Variants in MTHFD1L observed in about 807,000 individuals in gnomAD.
MTHFD1L encodes monofunctional C1-tetrahydrofolate synthase, mitochondrial.
Under a neutral mutation model 119.5 loss-of-function variants are expected in MTHFD1L, and 81 were observed. The observed-to-expected ratio is 0.68, with a 90% confidence interval of 0.57 to 0.82. The LOEUF (loss-of-function observed/expected upper bound fraction) is 0.82, where lower values mean the gene tolerates loss of function less well. MTHFD1L is among the 40% of genes least tolerant of loss of function. The probability of loss-of-function intolerance (pLI) is 0.00; values close to 1 mark genes in which losing one functional copy is unlikely to be tolerated. For synonymous variants in MTHFD1L, 430 were observed against 475.2 expected (o/e 0.90, Z 1.24); for missense variants, 1,125 against 1,253.4 (o/e 0.90, Z 1.55).
chr6:150,913,991 G>A (rs370610698), intron 8 of MTHFD1L, among the ~76,000 whole-genome samples: 10 of 152,318 alleles, frequency 6.6e-5, no homozygotes, highest in African/African-American at 1.4e-4. Flanking sequence ...CTAACCAGGC[G>A]TGGTGGCACA....
chr6:150,945,334 A>G (rs1793742558), intron 14 of MTHFD1L, 133 bp from the exon 15 acceptor site: 2 of 656,678 alleles, frequency 3.0e-6, no homozygotes, highest in Non-Finnish European at 2.6e-6. Context: ...ATATTAGCCC[A>G]CAAATTTTAA....
chr6:151,016,542 C>CA (rs148357366), intron 24 of MTHFD1L, among the ~76,000 whole-genome samples: 9,802 of 151,642 alleles, frequency 0.065, 1,051 homozygotes, highest in African/African-American at 0.22. Context: ...AGGCTGGTCT[C>CA]AAACTCCTGA....
intron 24 of MTHFD1L, among the ~76,000 whole-genome samples, chr6:151,025,517 A>G (rs1043049470): frequency 7.2e-5 from 11 of 152,240 alleles, no homozygotes; most frequent in African/African-American, 2.7e-4. Flanking sequence ...TTTAAAATTT[A>G]TGCTTCATTT....
intron 11 of MTHFD1L, among the ~76,000 whole-genome samples, chr6:150,931,634 C>T (rs750358655): frequency 1.3e-5 from 2 of 152,182 alleles, no homozygotes; most frequent in Non-Finnish European, 2.9e-5. Context: ...TCATATGCTA[C>T]TTGAGCATGT....
At chr6:151,082,149 T>A (rs1793253284) in intron 26 of MTHFD1L, among the ~76,000 whole-genome samples, 1 of 152,256 alleles carries the variant, frequency 6.6e-6, no homozygotes, top group African/African-American at 2.4e-5. Flanking sequence ...ATTTTCATGG[T>A]GTGCTACCTG....
chr6:150,998,679 T>A (rs1444456394), intron 20 of MTHFD1L, among the ~76,000 whole-genome samples: 1 of 150,284 alleles, frequency 6.7e-6, no homozygotes. Context: ...ACAAAATTAT[T>A]AAAACTATTG....
intron 13 of MTHFD1L, among the ~76,000 whole-genome samples, chr6:150,943,975 C>T (rs1267174004): frequency 6.6e-6 from 1 of 152,114 alleles, no homozygotes; most frequent in South Asian, 2.1e-4. Flanking sequence ...TAGTGAGTGA[C>T]TATAAGGAGA....
At chr6:150,976,054 AGCG>A (rs909120310) in intron 20 of MTHFD1L, among the ~76,000 whole-genome samples, 31 of 152,108 alleles carry the variant, frequency 2.0e-4, no homozygotes, top group African/African-American at 7.2e-4. Context: ...AAAAAAATTT[AGCG>A]GGGCTTGGTG....
intron 26 of MTHFD1L, among the ~76,000 whole-genome samples, chr6:151,058,604 A>G (rs1790270094): frequency 6.6e-6 from 1 of 152,106 alleles, no homozygotes; most frequent in Non-Finnish European, 1.5e-5. Flanking sequence ...AGTCTGTGTA[A>G]TTTGCCTCTG....
chr6:150,888,242 A>G (rs571306441), intron 7 of MTHFD1L, among the ~76,000 whole-genome samples: 157 of 152,376 alleles, frequency 1.0e-3, no homozygotes, highest in African/African-American at 3.7e-3. Flanking sequence ...TGGAAAAAGA[A>G]GGAACGTGGC....
At chr6:150,961,063 G>A (rs1012132862) in intron 18 of MTHFD1L, among the ~76,000 whole-genome samples, 3 of 148,302 alleles carry the variant, frequency 2.0e-5, no homozygotes, top group Non-Finnish European at 3.0e-5. Flanking sequence ...TCGTCTTTCT[G>A]GTATAATAAC....
At chr6:150,950,273 C>T (rs1205289082) in intron 16 of MTHFD1L, among the ~76,000 whole-genome samples, 2 of 152,194 alleles carry the variant, frequency 1.3e-5, no homozygotes, top group East Asian at 1.9e-4. Flanking sequence ...GCAGTGCCGA[C>T]CTCCATCCTC....
Position 151,009,921 on chromosome 6 carries a change from CG to C in MTHFD1L, c.2230del (p.Val744CysfsTer4), listed in dbSNP as rs776141225. On this transcript the variant is annotated frameshift_variant, in exon 21 of 28. Transcript: ENST00000367321. LOFTEE classifies it high-confidence loss of function. ...CCCAACGTGGTTGTGTTAGTGGCAA[CG>C]GTGCGAGCTCTGAAGATGCATGGAG... ...LVPNVVVLVA[T>X]VRALKMHGGG... 1 of 1,613,130 alleles carries C rather than the reference CG, an allele frequency of 6.2e-7. No individual in the cohort carries two copies. Among genetic ancestry groups the C allele is most frequent in the African/African-American group, 1.3e-5 (1 of 74,878 alleles).
At position 151,081,426 on chromosome 6, in the gene MTHFD1L, G is replaced by A. The variant is rs528576736; in HGVS notation, c.2848-11041G>A. On this transcript the variant is annotated intron_variant, in intron 26 of 27. Coordinates refer to ENST00000367321, the MANE Select transcript of MTHFD1L (RefSeq NM_015440.5). The stretch of plus-strand genomic sequence containing the variant: ...CCAGCACTTTGGGAGGCTGCGGTGC[G>A]CAGATCACCTGAGGTCAGGAGTTCC... Among the ~76,000 whole-genome samples, 270 of 150,812 alleles carry A rather than the reference G, an allele frequency of 1.8e-3. 1 individual carries two copies. Among genetic ancestry groups the A allele is most frequent in the African/African-American group, 5.4e-3 (221 of 40,902 alleles).
At chr6:150,900,125 C>T (rs1354056349) in intron 7 of MTHFD1L, among the ~76,000 whole-genome samples, 1 of 151,836 alleles carries the variant, frequency 6.6e-6, no homozygotes, top group African/African-American at 2.4e-5. Flanking sequence ...ACAGTAATGG[C>T]AGGACTGTAT....
At chr6:150,900,830 A>G (rs1366364353) in intron 7 of MTHFD1L, among the ~76,000 whole-genome samples, 1 of 151,850 alleles carries the variant, frequency 6.6e-6, no homozygotes, top group African/African-American at 2.4e-5. Flanking sequence ...CCTGGATAAC[A>G]TGGTGAAACC....
chr6:151,035,530 A>AATTTTCCC (rs567966972), intron 25 of MTHFD1L, among the ~76,000 whole-genome samples: 228 of 152,304 alleles, frequency 1.5e-3, no homozygotes, highest in Non-Finnish European at 2.7e-3. Flanking sequence ...AAATTCTTAG[A>AATTTTCCC]ATTTTCCCTG....
intron 26 of MTHFD1L, among the ~76,000 whole-genome samples, chr6:151,068,287 C>T (rs1306425166): frequency 1.3e-5 from 2 of 152,248 alleles, no homozygotes; most frequent in Non-Finnish European, 2.9e-5. Flanking sequence ...TGTGATTTTG[C>T]GGGCCTGAAG....
At chr6:151,058,696 C>T (rs532621614) in intron 26 of MTHFD1L, among the ~76,000 whole-genome samples, 7 of 152,196 alleles carry the variant, frequency 4.6e-5, no homozygotes, top group Non-Finnish European at 7.3e-5. Context: ...GTGGCTTGGC[C>T]TGGCCTGGCC....
Sources: gnomAD v4.1 joint callset for allele counts (sites outside exome capture counted in the v4.1 genomes callset) on GRCh38, gnomAD v4.1.1 for gene constraint, MANE v1.5 for transcripts, NCBI Gene and HGNC (gene_info 2026-07-23, HGNC 2026-07-21) for gene names.